The following TTPA variants were observed in gnomAD, a reference collection of about 807,000 sequenced individuals.
TTPA encodes the protein alpha tocopherol transfer protein, also known as alpha-tocopherol transfer protein.
TTPA carries 23 observed loss-of-function variants against 25.9 expected under a neutral mutation model. The ratio of observed to expected loss-of-function variants is 0.89; its 90% CI spans 0.64 to 1.26. The LOEUF is 1.26. TTPA is among the 50% of genes most tolerant of loss of function. TTPA has a pLI of 0.00. For synonymous variants in TTPA, 148 were observed against 137.3 expected, an observed-to-expected ratio of 1.08 and a Z score of -0.54; for missense variants, 337 against 353.1, an observed-to-expected ratio of 0.95 and a Z score of 0.37.
At chr8:63,076,029 G>C (rs1805557590) in intron 1 of TTPA, among the ~76,000 whole-genome samples, 1 of 152,192 alleles carries the variant, frequency 6.6e-6, no homozygotes, top group African/African-American at 2.4e-5. Flanking sequence ...TATGTTTGTT[G>C]TTTTAAATAT....
chr8:63,061,399 T>C lies in TTPA; in HGVS notation c.690A>G (p.Lys230=), dbSNP rs760144623. 1.2e-6 allele frequency: 2 copies of C among 1,613,882 alleles called. No homozygotes were observed. The highest frequency in any genetic ancestry group is 2.7e-5 in the African/African-American group (2 of 74,938). Residue 230 remains lysine, a synonymous_variant, in exon 5 of 5, where the codon AAA becomes AAG. Transcript: ENST00000260116. ...CTGGGAAATGCTGAAGCAAGCTTTGTTTGTAGTTGTTCCCATGCATGTGAA... is the reference window on the plus strand; with the variant it reads ...CTGGGAAATGCTGAAGCAAGCTTTGCTTGTAGTTGTTCCCATGCATGTGAA... The part of the protein sequence containing the change: ...ERIHMHGNNY[K]QSLLQHFPDI...
At chr8:63,077,888 A>C (rs1476267317) in intron 1 of TTPA, among the ~76,000 whole-genome samples, 1 of 152,134 alleles carries the variant, frequency 6.6e-6, no homozygotes, top group Non-Finnish European at 1.5e-5. Context: ...ATATAGCCTA[A>C]CTGGGAGACA....
downstream of TTPA, among the ~76,000 whole-genome samples, chr8:63,058,632 T>G (rs1201369579): frequency 6.6e-6 from 1 of 152,332 alleles, no homozygotes; most frequent in South Asian, 2.1e-4. Flanking sequence ...AATTGTTTCA[T>G]TTATAAACAC....
At chr8:63,065,132 A>T (rs1805369075) in intron 3 of TTPA, among the ~76,000 whole-genome samples, 1 of 152,160 alleles carries the variant, frequency 6.6e-6, no homozygotes, top group Admixed American at 6.6e-5. Context: ...TGGACTAATA[A>T]ACTATTTATT....
chr8:63,077,730 G>A (rs1174668797), intron 1 of TTPA, among the ~76,000 whole-genome samples: 1 of 152,232 alleles, frequency 6.6e-6, no homozygotes, highest in African/African-American at 2.4e-5. Context: ...TCTGTGGGCA[G>A]GGCATAGCTG....
chr8:63,081,845 TAA>T (rs1805669070), intron 1 of TTPA, among the ~76,000 whole-genome samples: 1 of 152,016 alleles, frequency 6.6e-6, no homozygotes, highest in Non-Finnish European at 1.5e-5. Context: ...TATACACCAA[TAA>T]CGGACAAACA....
Position 63,072,285 on chromosome 8 carries a change from C to T in TTPA, c.358+650G>A, listed in dbSNP as rs969742218. 1.8e-4 allele frequency among the ~76,000 whole-genome samples: 26 copies of T among 141,654 alleles called. No individual in the cohort carries two copies. In the South Asian group the frequency reaches 1.9e-3, roughly 10 times the overall value. The allele number at this position is 141,654 out of a possible 152,430, so 92.9% of individuals were successfully genotyped here. On this transcript the variant is annotated intron_variant, in intron 2 of 4. Coordinates refer to ENST00000260116, the MANE Select transcript of TTPA (RefSeq NM_000370.3). Reference sequence around the variant, plus strand: ...TTGTTTTTTGTTTGTTTGTTTGAGACGGACTCTTGTTCTTTTGCCCAGGCT... The same window carrying T: ...TTGTTTTTTGTTTGTTTGTTTGAGATGGACTCTTGTTCTTTTGCCCAGGCT...
intron 1 of TTPA, among the ~76,000 whole-genome samples, chr8:63,075,365 G>A (rs1258027338): frequency 6.6e-6 from 1 of 152,052 alleles, no homozygotes; most frequent in East Asian, 1.9e-4. Context: ...GCCATCTTTT[G>A]AATTCCTCCT....
intron 1 of TTPA, among the ~76,000 whole-genome samples, chr8:63,073,583 A>G (rs902156450): frequency 6.6e-6 from 1 of 152,188 alleles, no homozygotes; most frequent in Admixed American, 6.5e-5. Flanking sequence ...AGAGGCATGG[A>G]GGTTGAGAGG....
chr8:63,081,675 T>G (rs1337945268), intron 1 of TTPA, among the ~76,000 whole-genome samples: 2 of 152,134 alleles, frequency 1.3e-5, no homozygotes, highest in Non-Finnish European at 2.9e-5. Context: ...TAAAGGGTAT[T>G]CAATTAGGAA....
chr8:63,068,789 T>G (rs1260931185), intron 2 of TTPA, among the ~76,000 whole-genome samples: 1 of 152,244 alleles, frequency 6.6e-6, no homozygotes, highest in Non-Finnish European at 1.5e-5. Context: ...ATGGGATTGC[T>G]ATTTTTTAAA....
chr8:63,064,376 G>A lies in TTPA; in HGVS notation c.553-60C>T, dbSNP rs1167536495. On this transcript the variant is annotated intron_variant, in intron 3 of 4. Coordinates refer to ENST00000260116, the MANE Select transcript of TTPA (RefSeq NM_000370.3). ...TAAATATTACAATCTGATACCTAATGTCAAGTTTCTTCTTTGAACACTTGC... is the reference window on the plus strand; with the variant it reads ...TAAATATTACAATCTGATACCTAATATCAAGTTTCTTCTTTGAACACTTGC... 4 of 1,177,236 alleles carry A rather than the reference G, an allele frequency of 3.4e-6. No homozygotes were observed. The Middle Eastern group carries it at 6.5e-4, about 190-fold the overall frequency. 72.9% of individuals were successfully genotyped at this position (1,177,236 alleles called of 1,614,324 possible).
At chr8:63,072,261 T>C (rs1279905055) in intron 2 of TTPA, among the ~76,000 whole-genome samples, 1 of 145,480 alleles carries the variant, frequency 6.9e-6, no homozygotes, top group Non-Finnish European at 1.5e-5. Context: ...GAATTCTGGT[T>C]GTTTTTTGTT....
Position 63,061,008 on chromosome 8 carries a change from T to C in TTPA, c.*244A>G. Reference sequence around the variant, plus strand: ...TTTCATGTTCTCTTCAAGTACAAAATCGCCGATTTTTATGCTCTTAAAATG... The same window carrying C: ...TTTCATGTTCTCTTCAAGTACAAAACCGCCGATTTTTATGCTCTTAAAATG... On this transcript the variant is annotated 3_prime_UTR_variant, in exon 5 of 5. Transcript: ENST00000260116. The C allele has an allele frequency of 2.4e-6, 1 of 414,950 alleles. No individual in the cohort carries two copies. The highest frequency in any genetic ancestry group is 4.4e-6 in the Non-Finnish European group (1 of 225,840). 25.7% of individuals were successfully genotyped at this position (414,950 alleles called of 1,614,324 possible). A position where few individuals can be genotyped will look rare whatever the true frequency, so the allele number is the denominator to read the frequency against.
chr8:63,059,209 T>C (rs928963792), downstream of TTPA, among the ~76,000 whole-genome samples: 17 of 149,806 alleles, frequency 1.1e-4, no homozygotes, highest in East Asian at 2.1e-4. Flanking sequence ...TTTTTTTGTA[T>C]TTTTAGTAGA....
chr8:63,079,317 A>G (rs1017729814), intron 1 of TTPA, among the ~76,000 whole-genome samples: 2 of 152,212 alleles, frequency 1.3e-5, no homozygotes, highest in Non-Finnish European at 2.9e-5. Flanking sequence ...GACTGGATCA[A>G]ATTCACACAT....
Position 63,060,992 on chromosome 8 carries a change from C to T in TTPA, c.*260G>A. 2.6e-6 allele frequency: 1 copy of T among 377,722 alleles called. No individual in the cohort carries two copies. Among genetic ancestry groups the T allele is most frequent in the South Asian group, 2.9e-5 (1 of 34,226 alleles). The allele number at this position is 377,722 out of a possible 1,614,324, so 23.4% of individuals were successfully genotyped here. ...CTACTTTAGCAATAACTTTCATGTT[C>T]TCTTCAAGTACAAAATCGCCGATTT... On this transcript the variant is annotated 3_prime_UTR_variant, in exon 5 of 5. Transcript: ENST00000260116.
At chr8:63,068,934 C>A (rs1368775139) in intron 2 of TTPA, among the ~76,000 whole-genome samples, 4 of 152,128 alleles carry the variant, frequency 2.6e-5, no homozygotes. Context: ...GTGGACAGAT[C>A]ACTTGAGGCC....
intron 4 of TTPA, 63 bp from the exon 5 acceptor site, chr8:63,061,488 C>T: frequency 1.4e-6 from 2 of 1,470,006 alleles, no homozygotes; most frequent in Middle Eastern, 3.5e-4. Context: ...GGAAAATCAA[C>T]CTCATAAAAC....
Sources: gnomAD v4.1 joint callset for allele counts (sites outside exome capture counted in the v4.1 genomes callset) on GRCh38, gnomAD v4.1.1 for gene constraint, MANE v1.5 for transcripts, NCBI Gene and HGNC (gene_info 2026-07-23, HGNC 2026-07-21) for gene names.